CPNE4: variants seen among roughly 807,000 people sequenced by gnomAD.
The protein encoded by CPNE4 is copine 4, also known as copine-4.
CPNE4 carries 25 observed loss-of-function variants against 67.9 expected under a neutral mutation model. That is an observed-to-expected ratio of 0.37 (90% CI 0.27 to 0.51). CPNE4 has a LOEUF of 0.51. Among genes scored for constraint, CPNE4 ranks in the 20% least tolerant of loss-of-function variants. CPNE4 has a pLI of 0.93. For synonymous variants in CPNE4, 242 were observed against 244.9 expected (o/e 0.99, Z 0.11); for missense variants, 464 against 690.8 (o/e 0.67, Z 3.68).
intron 2 of CPNE4, among the ~76,000 whole-genome samples, chr3:131,892,973 T>TTAACCCTTTAGTAAC (rs1418364945): frequency 1.3e-5 from 2 of 152,094 alleles, no homozygotes; most frequent in Non-Finnish European, 2.9e-5. Flanking sequence ...TAACCCTTTA[T>TTAACCCTTTAGTAAC]CCATTATTAA....
intron 2 of CPNE4, among the ~76,000 whole-genome samples, chr3:131,877,765 C>T (rs1433027992): frequency 6.6e-6 from 1 of 152,136 alleles, no homozygotes; most frequent in Non-Finnish European, 1.5e-5. Context: ...ACAATGACTG[C>T]TGAGGTTGGG....
At chr3:131,900,049 G>A (rs1197352803) in intron 2 of CPNE4, among the ~76,000 whole-genome samples, 1 of 152,058 alleles carries the variant, frequency 6.6e-6, no homozygotes, top group East Asian at 1.9e-4. Flanking sequence ...CTACATCTGG[G>A]TAGGTGGAGT....
At chr3:131,547,081 G>C (rs569953730) in intron 14 of CPNE4, among the ~76,000 whole-genome samples, 1 of 151,422 alleles carries the variant, frequency 6.6e-6, no homozygotes, top group Admixed American at 6.6e-5. Flanking sequence ...CAAGACCTCT[G>C]TGGTCAGAAA....
At chr3:131,840,972 A>T (rs1031856999) in intron 2 of CPNE4, among the ~76,000 whole-genome samples, 2 of 152,086 alleles carry the variant, frequency 1.3e-5, no homozygotes, top group African/African-American at 4.8e-5. Flanking sequence ...AAGAGAACAG[A>T]ACTCTGTTCT....
chr3:131,635,531 C>G (rs976443331), intron 7 of CPNE4, among the ~76,000 whole-genome samples: 2 of 152,210 alleles, frequency 1.3e-5, no homozygotes, highest in African/African-American at 4.8e-5. Context: ...ATTAAAAACT[C>G]AATTCCTCTG....
chr3:131,668,204 A>G (rs1395594799), intron 7 of CPNE4, among the ~76,000 whole-genome samples: 1 of 152,240 alleles, frequency 6.6e-6, no homozygotes, highest in African/African-American at 2.4e-5. Flanking sequence ...AAGCAAAGAC[A>G]TATAAAGCAA....
chr3:131,682,715 C>A (rs1008926097), intron 6 of CPNE4, among the ~76,000 whole-genome samples: 18 of 152,174 alleles, frequency 1.2e-4, no homozygotes, highest in African/African-American at 4.1e-4. Flanking sequence ...ATGTCCTTCC[C>A]TTCAGGTTAG....
intron 6 of CPNE4, among the ~76,000 whole-genome samples, chr3:131,681,085 G>T (rs1404670550): frequency 2.0e-5 from 3 of 152,150 alleles, no homozygotes; most frequent in African/African-American, 7.2e-5. Flanking sequence ...CATTTGGGCT[G>T]TTTCCATATT....
chr3:131,739,570 A>G (rs912402554), intron 2 of CPNE4, among the ~76,000 whole-genome samples: 1 of 152,242 alleles, frequency 6.6e-6, no homozygotes, highest in Non-Finnish European at 1.5e-5. Flanking sequence ...CAATGTGACT[A>G]TAGGAAAGTA....
intron 7 of CPNE4, among the ~76,000 whole-genome samples, chr3:131,597,871 A>G (rs1025237298): frequency 6.6e-6 from 1 of 152,192 alleles, no homozygotes; most frequent in African/African-American, 2.4e-5. Context: ...GATTTTTATC[A>G]AGGTAGCACA....
chr3:131,775,774 G>T (rs138200262), intron 2 of CPNE4, among the ~76,000 whole-genome samples: 179 of 152,258 alleles, frequency 1.2e-3, no homozygotes, highest in African/African-American at 4.0e-3. Context: ...TCAGCAGCAT[G>T]AAAACAGACT....
At chr3:131,998,035 T>C (rs2073339850) in intron 1 of CPNE4, among the ~76,000 whole-genome samples, 1 of 152,170 alleles carries the variant, frequency 6.6e-6, no homozygotes, top group Non-Finnish European at 1.5e-5. Context: ...GGATTAAGTT[T>C]CCAACACATG....
At chr3:131,675,705 G>A (rs1474309927) in intron 6 of CPNE4, among the ~76,000 whole-genome samples, 1 of 151,908 alleles carries the variant, frequency 6.6e-6, no homozygotes, top group Non-Finnish European at 1.5e-5. Flanking sequence ...TATAGGTAAA[G>A]TGTATTTTTT....
rs370605759 is a variant in CPNE4 at position 131,904,030 on chromosome 3, C to A, written c.180+1234G>T. The stretch of plus-strand genomic sequence containing the variant: ...CTTTTTGTAAAAACCCAAGTCATCT[C>A]TTAACAACGTGGGGGCCCATCGCTC... On this transcript the variant is annotated intron_variant, in intron 2 of 15. Coordinates refer to ENST00000429747, the MANE Select transcript of CPNE4 (RefSeq NM_130808.3). 8.9e-4 allele frequency among the ~76,000 whole-genome samples: 135 copies of A among 152,246 alleles called. 3 individuals carry two copies. The South Asian group carries it at 0.027, about 30-fold the overall frequency.
At chr3:131,691,907 G>A (rs1239342202) in intron 5 of CPNE4, among the ~76,000 whole-genome samples, 1 of 151,862 alleles carries the variant, frequency 6.6e-6, no homozygotes, top group Non-Finnish European at 1.5e-5. Context: ...AACAACTCTG[G>A]GTCTAATTGT....
chr3:131,838,702 C>G (rs1382323342), intron 2 of CPNE4, among the ~76,000 whole-genome samples: 2 of 151,530 alleles, frequency 1.3e-5, no homozygotes, highest in African/African-American at 4.8e-5. Context: ...TACTTTTATA[C>G]TATAAAAGTA....
Position 131,564,368 on chromosome 3 carries a change from A to G in CPNE4, c.928-19T>C, listed in dbSNP as rs1936949806. 1.2e-6 allele frequency: 2 copies of G among 1,604,802 alleles called. No homozygotes were observed. The highest frequency in any genetic ancestry group is 1.7e-6 in the Non-Finnish European group (2 of 1,176,088). ...TAGCTACCTAAAAGAGAAAAATACAAGAAAAGGTAAATTTAAAGTGGATGC... is the reference window on the plus strand; with the variant it reads ...TAGCTACCTAAAAGAGAAAAATACAGGAAAAGGTAAATTTAAAGTGGATGC... On this transcript the variant is annotated intron_variant, in intron 10 of 15. Transcript: ENST00000429747.
intron 2 of CPNE4, among the ~76,000 whole-genome samples, chr3:131,788,122 C>G (rs2083614819): frequency 3.3e-5 from 5 of 151,522 alleles, no homozygotes; most frequent in Admixed American, 3.3e-4. Context: ...AAATGAGGAG[C>G]CTACAAAAGA....
At chr3:131,804,747 C>T (rs985364322) in intron 2 of CPNE4, among the ~76,000 whole-genome samples, 12 of 152,222 alleles carry the variant, frequency 7.9e-5, no homozygotes, top group African/African-American at 2.7e-4. Context: ...TGCTCTTTCT[C>T]TTGGAACTAT....
Sources: allele counts gnomAD v4.1 joint callset (sites outside exome capture counted in the v4.1 genomes callset), GRCh38; gene constraint gnomAD v4.1.1; transcripts MANE v1.5; gene names NCBI Gene and HGNC (gene_info 2026-07-23, HGNC 2026-07-21).